ELAPOR2: variants seen among roughly 807,000 people sequenced by gnomAD.
The protein encoded by ELAPOR2 is endosome-lysosome associated apoptosis and autophagy regulator family member 2.
ELAPOR2 carries 89 observed loss-of-function variants against 120.7 expected under a neutral mutation model. That is an observed-to-expected ratio of 0.74 (90% CI 0.62 to 0.88). The LOEUF is 0.88. Ranked by LOEUF, ELAPOR2 falls within the 40% of genes least tolerant of loss-of-function variation. The pLI, the probability that ELAPOR2 is intolerant of heterozygous loss-of-function variation, is 0.00. For synonymous variants in ELAPOR2, 444 were observed against 444.9 expected (o/e 1.00, Z 0.03); for missense variants, 1,134 against 1,251.6 (o/e 0.91, Z 1.42).
At chr7:86,895,366 C>T (rs1268150146) in intron 19 of ELAPOR2, among the ~76,000 whole-genome samples, 1 of 152,050 alleles carries the variant, frequency 6.6e-6, no homozygotes, top group Admixed American at 6.6e-5. Context: ...TAAGTAAGGT[C>T]TATGAACTCA....
At chr7:87,046,260 C>T (rs1794953908) in intron 1 of ELAPOR2, among the ~76,000 whole-genome samples, 1 of 152,072 alleles carries the variant, frequency 6.6e-6, no homozygotes, top group South Asian at 2.1e-4. Flanking sequence ...TGAAAAATCT[C>T]TATAATGAGA....
chr7:87,023,122 G>C (rs1441636964), intron 1 of ELAPOR2, among the ~76,000 whole-genome samples: 1 of 152,142 alleles, frequency 6.6e-6, no homozygotes, highest in African/African-American at 2.4e-5. Flanking sequence ...TGGTGTTTTA[G>C]ACATGAAGTC....
intron 1 of ELAPOR2, among the ~76,000 whole-genome samples, chr7:87,000,064 G>A (rs374638207): frequency 5.3e-5 from 8 of 152,140 alleles, no homozygotes; most frequent in South Asian, 2.1e-4. Flanking sequence ...AAAGCAAAAC[G>A]CTGCATGAAC....
At chr7:86,930,935 T>G (rs972671779) in intron 8 of ELAPOR2, among the ~76,000 whole-genome samples, 5 of 151,872 alleles carry the variant, frequency 3.3e-5, no homozygotes, top group African/African-American at 1.2e-4. Flanking sequence ...CCATGGGAGA[T>G]TCAAGAATTA....
At chr7:86,972,036 A>G (rs891297796) in intron 1 of ELAPOR2, among the ~76,000 whole-genome samples, 1 of 152,188 alleles carries the variant, frequency 6.6e-6, no homozygotes, top group African/African-American at 2.4e-5. Flanking sequence ...CTGTGTTCTC[A>G]GAAAGATGTA....
At chr7:86,951,599 G>A (rs567605132) in intron 2 of ELAPOR2, among the ~76,000 whole-genome samples, 6 of 152,256 alleles carry the variant, frequency 3.9e-5, no homozygotes, top group African/African-American at 1.4e-4. Context: ...TGCCATGCTT[G>A]ATACTTTACA....
rs1276531967 is a variant in ELAPOR2, at chr7:86,918,457, AAC to A, written c.1576_1577del (p.Val526PhefsTer8). ...VFETLCSADC[V>X]LYFMVDINRK... ...GTCCACTTACCACCATGAAGTACAA[AAC>A]ACAGTCAGCTGAACAGAGGGTCTCA... On this transcript the variant is annotated frameshift_variant, in exon 12 of 22. Coordinates refer to ENST00000450689, the MANE Select transcript of ELAPOR2 (RefSeq NM_001142749.3). LOFTEE classifies it high-confidence loss of function. 1.2e-6 allele frequency: 2 copies of A among 1,612,344 alleles called. No homozygotes were observed. The highest frequency in any genetic ancestry group is 2.2e-5 in the East Asian group (1 of 44,814).
chr7:86,970,662 C>T (rs1467267279), intron 1 of ELAPOR2, among the ~76,000 whole-genome samples: 2 of 152,162 alleles, frequency 1.3e-5, no homozygotes, highest in Non-Finnish European at 2.9e-5. Context: ...GCAACTTATA[C>T]GAGCTCCTTT....
intron 2 of ELAPOR2, among the ~76,000 whole-genome samples, chr7:86,962,477 G>A (rs1347559234): frequency 6.6e-6 from 1 of 152,004 alleles, no homozygotes; most frequent in Non-Finnish European, 1.5e-5. Flanking sequence ...GTCAATTGGT[G>A]GGTCCACCAC....
intron 1 of ELAPOR2, among the ~76,000 whole-genome samples, chr7:87,027,480 T>A (rs937082965): frequency 8.5e-5 from 13 of 152,244 alleles, no homozygotes; most frequent in Admixed American, 7.9e-4. Flanking sequence ...TTGAATTGTG[T>A]CCCCAAAAAA....
intron 15 of ELAPOR2, 27 bp downstream of exon 15, chr7:86,912,045 C>T (rs1789336862): frequency 6.3e-7 from 1 of 1,583,482 alleles, no homozygotes; most frequent in African/African-American, 1.3e-5. Context: ...AATATAGGTC[C>T]ATCTCACCTT....
chr7:86,897,821 C>T (rs1215313891), intron 18 of ELAPOR2, among the ~76,000 whole-genome samples, 189 bp from the exon 19 acceptor site: 1 of 152,082 alleles, frequency 6.6e-6, no homozygotes, highest in Non-Finnish European at 1.5e-5. Context: ...AGTAGGATGG[C>T]TGGAATCAAA....
chr7:86,992,931 T>C (rs578098547), intron 1 of ELAPOR2, among the ~76,000 whole-genome samples: 1 of 152,164 alleles, frequency 6.6e-6, no homozygotes, highest in South Asian at 2.1e-4. Context: ...ACTACAGAGA[T>C]TCACTGAAAG....
chr7:86,905,494 G>A (rs1375355619), intron 18 of ELAPOR2, among the ~76,000 whole-genome samples: 2 of 152,028 alleles, frequency 1.3e-5, no homozygotes, highest in Non-Finnish European at 2.9e-5. Context: ...CTAAAGTAGT[G>A]GTCAGCACAC....
chr7:86,894,346 T>C (rs1055903579), intron 19 of ELAPOR2, among the ~76,000 whole-genome samples: 6 of 152,098 alleles, frequency 3.9e-5, no homozygotes, highest in African/African-American at 1.2e-4. Context: ...TTCAAATTCA[T>C]CTGCTGCATC....
chr7:86,930,483 T>TA (rs1790279635), intron 8 of ELAPOR2, among the ~76,000 whole-genome samples: 1 of 151,928 alleles, frequency 6.6e-6, no homozygotes, highest in Non-Finnish European at 1.5e-5. Flanking sequence ...CCTCTATATC[T>TA]TTGTCCTGCT....
At chr7:86,991,382 G>A (rs1792939927) in intron 1 of ELAPOR2, among the ~76,000 whole-genome samples, 2 of 152,098 alleles carry the variant, frequency 1.3e-5, no homozygotes, top group Admixed American at 1.3e-4. Flanking sequence ...TTGCTCCCAA[G>A]GCTGAGGTCT....
intron 1 of ELAPOR2, among the ~76,000 whole-genome samples, chr7:87,004,589 A>T (rs778080859): frequency 6.6e-6 from 1 of 152,140 alleles, no homozygotes; most frequent in Non-Finnish European, 1.5e-5. Context: ...CTGCCCTGTC[A>T]TCTGCCATTA....
chr7:86,932,972 T>G (rs547951339), intron 8 of ELAPOR2, among the ~76,000 whole-genome samples: 1 of 152,048 alleles, frequency 6.6e-6, no homozygotes, highest in South Asian at 2.1e-4. Context: ...CACAAATTGA[T>G]ATACATATTC....
Sources: allele counts gnomAD v4.1 joint callset (sites outside exome capture counted in the v4.1 genomes callset), GRCh38; gene constraint gnomAD v4.1.1; transcripts MANE v1.5; gene names NCBI Gene and HGNC (gene_info 2026-07-23, HGNC 2026-07-21).